The following DYSF variants were observed in gnomAD, a reference collection of about 807,000 sequenced individuals.
DYSF encodes the protein dysferlin, also known as dystrophy-associated fer-1-like 1.
Under a neutral mutation model 274.9 loss-of-function variants are expected in DYSF, and 212 were observed. The observed-to-expected ratio is 0.77, with a 90% CI of 0.69 to 0.86. DYSF has a LOEUF of 0.86. DYSF is among the 40% of genes least tolerant of loss of function. The pLI is 0.00. For synonymous variants in DYSF, 1,091 were observed against 1,078.7 expected (o/e 1.01, Z -0.22); for missense variants, 2,666 against 2,783.2 (o/e 0.96, Z 0.95).
chr2:71,664,419 C>T lies in DYSF; in HGVS notation c.5155C>T (p.Leu1719Phe), dbSNP rs765728042. The part of the protein sequence containing the change: ...LLSKFGARCG[L>F]PQTYCVSGPN... ...GTCCAAGTTTGGGGCTCGCTGTGGA[C>T]TCCCACAGACCTACTGTGTGTACGT... The change falls in exon 46 of 56, where the codon CTC becomes TTC. Residue 1719 changes from leucine to phenylalanine, a missense_variant. Physicochemically the swap from Leu to Phe is conservative, Grantham distance 22. Coordinates refer to ENST00000410020, the MANE Select transcript of DYSF (RefSeq NM_001130987.2). 3.1e-6 allele frequency: 5 copies of T among 1,614,104 alleles called. No homozygotes were observed. Among genetic ancestry groups the T allele is most frequent in the African/African-American group, 1.3e-5 (1 of 74,942 alleles).
chr2:71,519,230 G>C (rs2086975770), intron 10 of DYSF, among the ~76,000 whole-genome samples: 1 of 151,060 alleles, frequency 6.6e-6, no homozygotes, highest in African/African-American at 2.4e-5. Flanking sequence ...AAAAAACTAA[G>C]TCTGTTTACC....
In DYSF at chr2:71,520,179, T is replaced by A; in HGVS notation, c.1004T>A (p.Met335Lys). 2 of 1,614,236 alleles carry A rather than the reference T, an allele frequency of 1.2e-6. No individual in the cohort carries two copies. The highest frequency in any genetic ancestry group is 1.7e-6 in the Non-Finnish European group (2 of 1,180,040). ...RTDALLGEFR[M>K]DVGTIYREPR... ...TGTGTCTCCTCTCATTGATTGCAGA[T>A]GGACGTGGGCACCATTTACAGAGAG... Residue 335 changes from methionine to lysine, a missense_variant and splice_region_variant, in exon 11 of 56, where the codon ATG becomes AAG. Met to Lys is a moderately conservative substitution (Grantham distance 95). Around this residue, in one of 3 missense-constraint regions of DYSF, gnomAD observed 794 missense variants for 777.1 expected, o/e 1.02. Coordinates refer to ENST00000410020, the MANE Select transcript of DYSF (RefSeq NM_001130987.2).
intron 17 of DYSF, among the ~76,000 whole-genome samples, chr2:71,544,706 C>T (rs1049771092): frequency 6.6e-6 from 1 of 152,114 alleles, no homozygotes; most frequent in African/African-American, 2.4e-5. Context: ...GGTGATCCAC[C>T]TGCCTTGGCC....
At position 71,506,853 on chromosome 2, in the gene DYSF, G is replaced by A. The variant is rs137926115; in HGVS notation, c.345+3534G>A. ...TCTGTTCTAGACCCTGAGCTCCAGA[G>A]CCTCTGGAGCTGCAGGGATGTCCCT... On this transcript the variant is annotated intron_variant, in intron 4 of 55. Coordinates refer to ENST00000410020, the MANE Select transcript of DYSF (RefSeq NM_001130987.2). 6.6e-5 allele frequency among the ~76,000 whole-genome samples: 10 copies of A among 152,202 alleles called. No individual in the cohort carries two copies. The East Asian group carries it at 1.9e-3, about 30-fold the overall frequency.
chr2:71,672,241 A>G (rs1011545290), intron 51 of DYSF, among the ~76,000 whole-genome samples: 1 of 149,630 alleles, frequency 6.7e-6, no homozygotes, highest in Admixed American at 6.6e-5. Flanking sequence ...TCCCTCTTGG[A>G]GTGAAGGGAC....
upstream of DYSF, among the ~76,000 whole-genome samples, chr2:71,462,817 T>G (rs1375728083): frequency 1.3e-5 from 2 of 152,204 alleles, no homozygotes; most frequent in African/African-American, 4.8e-5. Context: ...AGTTCCTTCC[T>G]GTACCTGGTA....
At chr2:71,618,017 GGT>G (rs1334037415) in intron 40 of DYSF, among the ~76,000 whole-genome samples, 17 of 121,192 alleles carry the variant, frequency 1.4e-4, no homozygotes, top group African/African-American at 4.1e-4. Context: ...GTAGAGATGG[GGT>G]GTGTGTGTGT....
At position 71,503,407 on chromosome 2, in the gene DYSF, A is replaced by G. The variant is rs2085186056; in HGVS notation, c.345+88A>G. 8.1e-6 allele frequency: 11 copies of G among 1,353,030 alleles called. No individual in the cohort carries two copies. In the East Asian group the frequency reaches 2.3e-4, roughly 29 times the overall value. 83.8% of individuals were successfully genotyped at this position (1,353,030 alleles called of 1,614,324 possible). A position where few individuals can be genotyped will look rare whatever the true frequency, so the allele number is the denominator to read the frequency against. ...GGGCCTTGCCATTCTGACCCCAGAC[A>G]TGCATCTGACTTCAGCTCCCTTGAA... is the stretch of plus-strand genomic sequence containing the variant. On this transcript the variant is annotated intron_variant, in intron 4 of 55. Transcript: ENST00000410020.
At chr2:71,536,411 C>G (rs990299274) in intron 16 of DYSF, among the ~76,000 whole-genome samples, 4 of 152,202 alleles carry the variant, frequency 2.6e-5, no homozygotes, top group African/African-American at 9.7e-5. Context: ...GAGGGAGAGG[C>G]CGCAAGGGCA....
intron 4 of DYSF, among the ~76,000 whole-genome samples, chr2:71,505,203 T>C (rs1288534557): frequency 6.6e-6 from 1 of 152,176 alleles, no homozygotes; most frequent in African/African-American, 2.4e-5. Context: ...AGACAGGTCA[T>C]ATGTCCCTTT....
chr2:71,589,665 AC>A lies in DYSF; in HGVS notation c.3476del (p.Thr1159ArgfsTer51). 6.2e-7 allele frequency: 1 copy of A among 1,614,128 alleles called. No homozygotes were observed. ...STLSFGVNRP[T>X]ISCIFDYGNR... ...CTTGAGCTTCGGTGTGAACAGACCC[AC>A]GATTTCCTGCATATTCGACTGTAAG... On this transcript the variant is annotated frameshift_variant, in exon 31 of 56. Coordinates refer to ENST00000410020, the MANE Select transcript of DYSF (RefSeq NM_001130987.2). LOFTEE classifies it high-confidence loss of function.
intron 1 of DYSF, among the ~76,000 whole-genome samples, chr2:71,473,269 G>A (rs894916086): frequency 2.6e-5 from 4 of 152,196 alleles, no homozygotes; most frequent in African/African-American, 7.2e-5. Flanking sequence ...TTCAGCCCAC[G>A]CTAGGGCCAT....
chr2:71,511,073 G>A (rs2086038750), intron 4 of DYSF, among the ~76,000 whole-genome samples: 2 of 152,234 alleles, frequency 1.3e-5, no homozygotes, highest in Non-Finnish European at 2.9e-5. Context: ...GAGCAGCCAG[G>A]CTGCAGATCC....
intron 14 of DYSF, among the ~76,000 whole-genome samples, chr2:71,532,374 T>A (rs1355379397): frequency 2.0e-5 from 3 of 151,766 alleles, no homozygotes; most frequent in African/African-American, 4.8e-5. Flanking sequence ...CCAGAGAGAG[T>A]GTACTAATAA....
exon 1 of DYSF, chr2:71,453,701 G>C (rs1437140608): frequency 6.4e-6 from 3 of 470,496 alleles, no homozygotes; most frequent in South Asian, 2.1e-5. Flanking sequence ...ACAGCTCGAC[G>C]GAGCTCGGGA....
chr2:71,499,375 C>T (rs1423912818), intron 3 of DYSF, among the ~76,000 whole-genome samples: 1 of 152,186 alleles, frequency 6.6e-6, no homozygotes, highest in African/African-American at 2.4e-5. Context: ...ATTTACCTGT[C>T]GTCTATGATG....
chr2:71,646,735 T>C (rs974091713), intron 42 of DYSF, among the ~76,000 whole-genome samples: 1 of 152,188 alleles, frequency 6.6e-6, no homozygotes, highest in Admixed American at 6.5e-5. Flanking sequence ...AACATCTTAA[T>C]GTTCCTAATT....
In DYSF at chr2:71,513,937, T is replaced by C; in HGVS notation, c.759+16T>C. The C allele has an allele frequency of 6.2e-7, 1 of 1,614,064 alleles. No individual in the cohort carries two copies. The highest frequency in any genetic ancestry group is 8.5e-7 in the Non-Finnish European group (1 of 1,179,952). ...GGATTTCCAGGTGATGAACGGGCTTTCTCTGACCCCAGGCTCCTCTTCAGC... is the reference window on the plus strand; with the variant it reads ...GGATTTCCAGGTGATGAACGGGCTTCCTCTGACCCCAGGCTCCTCTTCAGC... On this transcript the variant is annotated intron_variant, in intron 7 of 55. Transcript: ENST00000410020.
chr2:71,561,588 C>T (rs535314653), intron 22 of DYSF, among the ~76,000 whole-genome samples, 164 bp from the exon 23 acceptor site: 1 of 152,250 alleles, frequency 6.6e-6, no homozygotes, highest in African/African-American at 2.4e-5. Context: ...GAGGGTGGAG[C>T]ACATCACATA....
Sources: gnomAD v4.1 joint callset for allele counts (sites outside exome capture counted in the v4.1 genomes callset) on GRCh38, gnomAD v4.1.1 for gene constraint, gnomAD v4.1.1 regional missense constraint, MANE v1.5 for transcripts, NCBI Gene and HGNC (gene_info 2026-07-23, HGNC 2026-07-21) for gene names.